The following CLIP2 variants were observed in gnomAD, a reference collection of about 807,000 sequenced individuals.
CLIP2 encodes CAP-Gly domain containing linker protein 2.
In CLIP2, 41 loss-of-function variants were observed where a neutral mutation model predicts 111.7. The ratio of observed to expected loss-of-function variants is 0.37; its 90% CI spans 0.29 to 0.48. The LOEUF (loss-of-function observed/expected upper bound fraction) is 0.48. Among genes scored for constraint, CLIP2 ranks in the 20% least tolerant of loss-of-function variants. The probability of loss-of-function intolerance (pLI) is 0.99; values close to 1 mark genes in which losing one functional copy is unlikely to be tolerated. For missense variants in CLIP2, 1,160 were observed against 1,422.1 expected (o/e 0.82, Z 2.96); for synonymous variants, 660 against 644.2 (o/e 1.02, Z -0.37).
chr7:74,290,524 C>T (rs537518051), intron 1 of CLIP2, among the ~76,000 whole-genome samples: 2 of 152,344 alleles, frequency 1.3e-5, no homozygotes, highest in Admixed American at 1.3e-4. Context: ...AGGCCCCAGC[C>T]CCACCCTGGG....
chr7:74,390,155 AAAGAAAG>A (rs1156968717), intron 13 of CLIP2, among the ~76,000 whole-genome samples: 1 of 52,846 alleles, frequency 1.9e-5, no homozygotes, highest in African/African-American at 9.4e-5. Context: ...AAAGAAAAAG[AAAGAAAG>A]AAGAAAGAAA....
At chr7:74,354,570 G>A (rs533741147) in intron 4 of CLIP2, among the ~76,000 whole-genome samples, 11 of 151,988 alleles carry the variant, frequency 7.2e-5, no homozygotes, top group African/African-American at 2.2e-4. Context: ...AGCCAAGATC[G>A]CACCACTGCA....
Position 74,357,450 on chromosome 7 carries a change from T to C in CLIP2, c.1188T>C (p.Ile396=), listed in dbSNP as rs111322217. The part of the protein sequence containing the change: ...TSHICEVEKE[I]ALLKAQHEQY... ...ACATCTGCGAGGTGGAGAAGGAGATTGCCCTGCTCAAGGCACAGCATGAGC... is the reference window on the plus strand; with the variant it reads ...ACATCTGCGAGGTGGAGAAGGAGATCGCCCTGCTCAAGGCACAGCATGAGC... Residue 396 remains isoleucine (I), a synonymous_variant, in exon 6 of 17, where the codon ATT becomes ATC. Transcript: ENST00000223398. 2,078 of 1,613,850 alleles carry C rather than the reference T, an allele frequency of 1.3e-3. 30 individuals are homozygous for C. The African/African-American group carries it at 0.024, about 19-fold the overall frequency.
intron 9 of CLIP2, among the ~76,000 whole-genome samples, chr7:74,374,082 C>T (rs368210703): frequency 2.4e-4 from 36 of 152,238 alleles, no homozygotes; most frequent in African/African-American, 8.2e-4. Flanking sequence ...CACATGCGAA[C>T]AGCCAGCCGG....
chr7:74,300,542 G>T (rs1554726673), intron 1 of CLIP2, among the ~76,000 whole-genome samples: 1 of 149,252 alleles, frequency 6.7e-6, no homozygotes, highest in East Asian at 2.0e-4. Context: ...TGCAAACTCC[G>T]CCTCCCAGGT....
intron 1 of CLIP2, among the ~76,000 whole-genome samples, chr7:74,290,599 T>G (rs996209988): frequency 6.6e-6 from 1 of 152,172 alleles, no homozygotes; most frequent in African/African-American, 2.4e-5. Flanking sequence ...CCCCAACGTC[T>G]GAGACCCCTC....
chr7:74,307,586 G>C (rs1340134627), intron 1 of CLIP2, among the ~76,000 whole-genome samples: 1 of 152,170 alleles, frequency 6.6e-6, no homozygotes, highest in Non-Finnish European at 1.5e-5. Flanking sequence ...CGCCTCCTGG[G>C]TTCAAGTGAT....
At position 74,356,497 on chromosome 7, in the gene CLIP2, G is replaced by A. The variant is rs1554308501; in HGVS notation, c.891G>A (p.Lys297=). 1 of 1,614,202 alleles carries A rather than the reference G, an allele frequency of 6.2e-7. No homozygotes were observed. Among genetic ancestry groups the A allele is most frequent in the East Asian group, 2.2e-5 (1 of 44,878 alleles). ...GCTTCCCATCTACCAGCCCAGCCAA[G>A]GCCAAGAAGACCAAGCGTATGGCCA... ...RIGFPSTSPA[K]AKKTKRMAMG... is the part of the protein sequence containing the mutation. Residue 297 remains lysine, a synonymous_variant, in exon 5 of 17, where the codon AAG becomes AAA. Coordinates refer to ENST00000223398, the MANE Select transcript of CLIP2 (RefSeq NM_003388.5).
chr7:74,335,426 C>T (rs1229752899), intron 2 of CLIP2, among the ~76,000 whole-genome samples: 1 of 152,110 alleles, frequency 6.6e-6, no homozygotes, highest in Non-Finnish European at 1.5e-5. Flanking sequence ...ACCTCCTGGG[C>T]TCAAGTCATC....
intron 1 of CLIP2, among the ~76,000 whole-genome samples, chr7:74,309,623 T>A (rs1412748982): frequency 6.6e-6 from 1 of 150,988 alleles, no homozygotes; most frequent in Non-Finnish European, 1.5e-5. Flanking sequence ...TTTGGGAGGC[T>A]GAGGCGGGTG....
At chr7:74,364,391 G>A (rs1554310378) in intron 8 of CLIP2, 76 bp downstream of exon 8, 5 of 1,337,630 alleles carry the variant, frequency 3.7e-6, no homozygotes, top group Non-Finnish European at 1.1e-6. Flanking sequence ...TGGTTGTGAG[G>A]TCCAGCAGCA....
chr7:74,358,463 A>G (rs1309696142), intron 6 of CLIP2, among the ~76,000 whole-genome samples: 3 of 151,570 alleles, frequency 2.0e-5, no homozygotes, highest in Admixed American at 6.6e-5. Context: ...CCAAAGTGCT[A>G]GGATTACAGG....
At chr7:74,322,248 G>A (rs1788979357) in intron 2 of CLIP2, among the ~76,000 whole-genome samples, 2 of 151,134 alleles carry the variant, frequency 1.3e-5, no homozygotes, top group African/African-American at 4.9e-5. Flanking sequence ...GCCTCGACCT[G>A]CTAAAGTGCT....
intron 1 of CLIP2, among the ~76,000 whole-genome samples, chr7:74,298,355 G>GTTTTTTTTTTTTTT (rs1564023938): frequency 4.6e-5 from 5 of 107,896 alleles, no homozygotes; most frequent in Admixed American, 9.6e-5. Flanking sequence ...CCTGCTAATT[G>GTTTTTTTTTTTTTT]GTTTTTTTTT....
intron 1 of CLIP2, among the ~76,000 whole-genome samples, chr7:74,314,643 C>T (rs1554728893): frequency 1.3e-5 from 2 of 152,240 alleles, no homozygotes; most frequent in African/African-American, 4.8e-5. Context: ...CTGGAATCCT[C>T]CATCCGACTA....
At chr7:74,339,393 C>T (rs1789589695) in intron 3 of CLIP2, among the ~76,000 whole-genome samples, 2 of 152,020 alleles carry the variant, frequency 1.3e-5, no homozygotes, top group Admixed American at 1.3e-4. Context: ...GTAACCTCCA[C>T]CTCCCAGGTT....
At position 74,356,359 on chromosome 7, in the gene CLIP2, C is replaced by T. The variant is rs377424461; in HGVS notation, c.804-51C>T. ...AGAGGCAGAGGAGGCAGGGGAGGCT[C>T]TCCAGGCTTTGGGGCCGTGACAGCA... On this transcript the variant is annotated intron_variant, in intron 4 of 16. Coordinates refer to ENST00000223398, the MANE Select transcript of CLIP2 (RefSeq NM_003388.5). 5.6e-5 allele frequency: 85 copies of T among 1,519,200 alleles called. No individual in the cohort carries two copies. In the African/African-American group the frequency reaches 1.1e-3, roughly 20 times the overall value. 94.1% of individuals were successfully genotyped at this position (1,519,200 alleles called of 1,614,324 possible). A position where few individuals can be genotyped will look rare whatever the true frequency, so the allele number is the denominator to read the frequency against.
intron 16 of CLIP2, 85 bp downstream of exon 16, chr7:74,401,652 A>T: frequency 2.2e-6 from 3 of 1,344,002 alleles, no homozygotes; most frequent in Non-Finnish European, 3.1e-6. Flanking sequence ...CTAAGAATAC[A>T]CACAAAGATG....
intron 4 of CLIP2, among the ~76,000 whole-genome samples, chr7:74,355,489 G>A (rs781907282): frequency 2.0e-5 from 3 of 152,080 alleles, no homozygotes; most frequent in Non-Finnish European, 2.9e-5. Flanking sequence ...ACACACCTGT[G>A]GTTTCAGCTA....
Sources: allele counts gnomAD v4.1 joint callset (sites outside exome capture counted in the v4.1 genomes callset), GRCh38; gene constraint gnomAD v4.1.1; transcripts MANE v1.5; gene names NCBI Gene and HGNC (gene_info 2026-07-23, HGNC 2026-07-21).